Variants in CDK13 observed in about 807,000 individuals in gnomAD.
CDK13 encodes cyclin dependent kinase 13, also known as cyclin-dependent kinase 13.
Under a neutral mutation model 137.6 loss-of-function variants are expected in CDK13, and 40 were observed. The observed-to-expected ratio is 0.29, with a 90% CI of 0.23 to 0.38. The LOEUF is 0.38. CDK13 is among the 10% of genes least tolerant of loss of function. The pLI is 1.00. For synonymous variants in CDK13, 869 were observed against 760.1 expected (o/e 1.14, Z -2.36); for missense variants, 1,704 against 1,951.8 (o/e 0.87, Z 2.39).
chr7:40,089,035 C>T (rs972376741), intron 12 of CDK13, among the ~76,000 whole-genome samples: 3 of 151,468 alleles, frequency 2.0e-5, no homozygotes, highest in African/African-American at 2.4e-5. Flanking sequence ...GCCGAGATTG[C>T]GCCACTGCAC....
chr7:40,031,289 A>C (rs1204879127), intron 5 of CDK13, among the ~76,000 whole-genome samples: 1 of 152,186 alleles, frequency 6.6e-6, no homozygotes, highest in Non-Finnish European at 1.5e-5. Flanking sequence ...TGGGAGGCCA[A>C]GGTGGGCGGA....
chr7:39,960,422 A>AT (rs986982817), intron 1 of CDK13, among the ~76,000 whole-genome samples: 9 of 151,178 alleles, frequency 6.0e-5, no homozygotes, highest in African/African-American at 2.2e-4. Flanking sequence ...CGCTTGGCTA[A>AT]TTTTTTTTGT....
intron 5 of CDK13, among the ~76,000 whole-genome samples, chr7:40,038,566 T>C (rs1290335350): frequency 6.6e-6 from 1 of 152,160 alleles, no homozygotes; most frequent in Non-Finnish European, 1.5e-5. Context: ...TCAGAGGGCT[T>C]TTTTTTGTGT....
chr7:39,957,709 C>A (rs952497625), intron 1 of CDK13, among the ~76,000 whole-genome samples: 1 of 152,032 alleles, frequency 6.6e-6, no homozygotes, highest in East Asian at 1.9e-4. Flanking sequence ...TTTATATTTG[C>A]CCTCTGTTGT....
intron 7 of CDK13, among the ~76,000 whole-genome samples, chr7:40,053,069 T>C (rs1785928602): frequency 6.6e-6 from 1 of 152,196 alleles, no homozygotes; most frequent in African/African-American, 2.4e-5. Context: ...AGATCAAGAT[T>C]AAATTGTTCT....
At chr7:40,081,958 G>C (rs980814412) in intron 11 of CDK13, among the ~76,000 whole-genome samples, 2 of 152,186 alleles carry the variant, frequency 1.3e-5, no homozygotes, top group Non-Finnish European at 2.9e-5. Flanking sequence ...AATTTTGTTG[G>C]AAGTACAACC....
chr7:40,089,983 G>A (rs1158549474), intron 12 of CDK13, among the ~76,000 whole-genome samples: 1 of 152,136 alleles, frequency 6.6e-6, no homozygotes, highest in African/African-American at 2.4e-5. Flanking sequence ...CATACTTAAA[G>A]TACTCATTCA....
chr7:39,955,386 A>ATATT (rs1787376805), intron 1 of CDK13, among the ~76,000 whole-genome samples: 1 of 152,300 alleles, frequency 6.6e-6, no homozygotes, highest in Middle Eastern at 3.4e-3. Context: ...TCTTAATATT[A>ATATT]AAGAGCATGG....
chr7:39,978,138 A>G (rs2116221509), intron 1 of CDK13, among the ~76,000 whole-genome samples: 1 of 152,310 alleles, frequency 6.6e-6, no homozygotes, highest in African/African-American at 2.4e-5. Flanking sequence ...ACATTTAGGT[A>G]ATCATTTAAG....
intron 1 of CDK13, among the ~76,000 whole-genome samples, chr7:39,983,246 A>C (rs1784267182): frequency 6.6e-6 from 1 of 152,192 alleles, no homozygotes; most frequent in South Asian, 2.1e-4. Context: ...ATGGCTAGCC[A>C]GTTTTCCCAG....
At chr7:40,042,571 C>T (rs1485259610) in intron 5 of CDK13, among the ~76,000 whole-genome samples, 2 of 142,742 alleles carry the variant, frequency 1.4e-5, no homozygotes, top group Non-Finnish European at 3.0e-5. Context: ...CTTGACCTCC[C>T]AGGCTTAGGT....
intron 5 of CDK13, among the ~76,000 whole-genome samples, chr7:40,044,698 G>A (rs1174832037): frequency 1.3e-5 from 2 of 151,474 alleles, no homozygotes; most frequent in Non-Finnish European, 2.9e-5. Context: ...GTGCAGTAGC[G>A]TGATCTCGGC....
intron 5 of CDK13, among the ~76,000 whole-genome samples, chr7:40,022,464 A>G (rs555946481): frequency 8.1e-4 from 124 of 152,304 alleles, no homozygotes; most frequent in African/African-American, 2.8e-3. Context: ...GCTTTGGGGT[A>G]AATAGAAATG....
chr7:39,955,568 A>G (rs1787381587), intron 1 of CDK13, among the ~76,000 whole-genome samples: 1 of 151,996 alleles, frequency 6.6e-6, no homozygotes, highest in Non-Finnish European at 1.5e-5. Flanking sequence ...TTGGTGAAAA[A>G]TCAGCTTCTG....
chr7:40,059,075 C>G (rs186383929), intron 7 of CDK13: 1 of 152,270 alleles, frequency 6.6e-6, no homozygotes, highest in African/African-American at 2.4e-5. Context: ...TTAGAATGGT[C>G]TTTAACAAAG....
intron 9 of CDK13, chr7:40,072,287 C>A (rs577004675): frequency 6.6e-6 from 1 of 152,204 alleles, no homozygotes; most frequent in African/African-American, 2.4e-5. Flanking sequence ...CCACCACACC[C>A]GGCTAATTTT....
chr7:40,093,147 G>T lies in CDK13; in HGVS notation c.3598G>T (p.Asp1200Tyr), dbSNP rs764842747. ...LIKAQQSKQK[D>Y]VLLEERENGS... ...AAAGGCTCAGCAGTCAAAGCAGAAAGATGTGCTACTAGAAGAGAGGGAAAA... is the reference window on the plus strand; with the variant it reads ...AAAGGCTCAGCAGTCAAAGCAGAAATATGTGCTACTAGAAGAGAGGGAAAA... The change falls in exon 13 of 14, where the codon GAT (aspartate) becomes TAT (tyrosine). Residue 1200 changes from aspartate to tyrosine, a missense_variant. Physicochemically the swap from Asp to Tyr is radical, Grantham distance 160. Coordinates refer to ENST00000181839, the MANE Select transcript of CDK13 (RefSeq NM_003718.5). 4 of 1,614,084 alleles carry T rather than the reference G, an allele frequency of 2.5e-6. No individual in the cohort carries two copies. Among genetic ancestry groups the T allele is most frequent in the Non-Finnish European group, 3.4e-6 (4 of 1,180,048 alleles).
intron 5 of CDK13, among the ~76,000 whole-genome samples, chr7:40,017,547 T>C (rs1195692168): frequency 1.3e-5 from 2 of 152,112 alleles, no homozygotes; most frequent in African/African-American, 2.4e-5. Flanking sequence ...TTCCATAATT[T>C]TTGCCATTTC....
At chr7:40,007,731 A>G (rs1784822102) in intron 5 of CDK13, among the ~76,000 whole-genome samples, 1 of 152,068 alleles carries the variant, frequency 6.6e-6, no homozygotes, top group Non-Finnish European at 1.5e-5. Context: ...CCCAGCCATA[A>G]CTTGTATTTT....
Sources: allele counts gnomAD v4.1 joint callset (sites outside exome capture counted in the v4.1 genomes callset), GRCh38; gene constraint gnomAD v4.1.1; transcripts MANE v1.5; gene names NCBI Gene and HGNC (gene_info 2026-07-23, HGNC 2026-07-21).